The following PHLPP1 variants were observed in gnomAD, a reference collection of about 807,000 sequenced individuals.
PHLPP1 encodes the protein PH domain and leucine rich repeat protein phosphatase 1, also known as PH domain leucine-rich repeat-containing protein phosphatase 1.
Under a neutral mutation model 117.2 loss-of-function variants are expected in PHLPP1, and 42 were observed. The observed-to-expected ratio is 0.36, with a 90% CI of 0.28 to 0.46. The LOEUF (loss-of-function observed/expected upper bound fraction) is 0.46, where lower values mean the gene tolerates loss of function less well. Among genes scored for constraint, PHLPP1 ranks in the 20% least tolerant of loss-of-function variants. The pLI, the probability that PHLPP1 is intolerant of heterozygous loss-of-function variation, is 1.00. For missense variants in PHLPP1, 2,084 were observed against 2,241.9 expected (o/e 0.93, Z 1.42); for synonymous variants, 1,042 against 970.7 (o/e 1.07, Z -1.37).
At chr18:62,841,986 A>G (rs185545663) in intron 3 of PHLPP1, among the ~76,000 whole-genome samples, 40 of 152,270 alleles carry the variant, frequency 2.6e-4, no homozygotes, top group Admixed American at 1.8e-3. Flanking sequence ...GGCTATATCT[A>G]AGTTCCAAGT....
intron 1 of PHLPP1, among the ~76,000 whole-genome samples, chr18:62,773,692 G>A (rs1349476476): frequency 2.0e-5 from 3 of 152,182 alleles, no homozygotes; most frequent in East Asian, 1.9e-4. Flanking sequence ...AATTTGAAAA[G>A]CCATTGCTGA....
intron 15 of PHLPP1, 44 bp downstream of exon 15, chr18:62,972,752 T>C (rs970433733): frequency 1.4e-6 from 2 of 1,412,314 alleles, no homozygotes; most frequent in Non-Finnish European, 2.0e-6. Context: ...GTTTTCTTGC[T>C]CTTTGAGTGT....
chr18:62,952,874 G>C (rs577861), intron 12 of PHLPP1, among the ~76,000 whole-genome samples: 1 of 151,834 alleles, frequency 6.6e-6, no homozygotes. Context: ...CTTCCACAAC[G>C]GTCTCCCAAA....
At chr18:62,860,979 G>T (rs563958107) in intron 4 of PHLPP1, among the ~76,000 whole-genome samples, 1 of 152,076 alleles carries the variant, frequency 6.6e-6, no homozygotes, top group African/African-American at 2.4e-5. Context: ...TTTATGAAAG[G>T]TCATTTTTTC....
chr18:62,717,325 T>C (rs1047398050), intron 1 of PHLPP1, 66 bp downstream of exon 1: 5 of 1,512,978 alleles, frequency 3.3e-6, no homozygotes, highest in Non-Finnish European at 2.7e-6. Context: ...GTGATTCAAA[T>C]TGCTTGTCAG....
chr18:62,891,997 A>C (rs1916428761), intron 4 of PHLPP1, among the ~76,000 whole-genome samples: 1 of 151,434 alleles, frequency 6.6e-6, no homozygotes. Flanking sequence ...TAACTTTTTA[A>C]ATGAAAAAAC....
intron 1 of PHLPP1, among the ~76,000 whole-genome samples, chr18:62,822,085 C>T (rs1914474434): frequency 6.6e-6 from 1 of 151,894 alleles, no homozygotes; most frequent in Admixed American, 6.6e-5. Context: ...GGACCAGGAC[C>T]CTGTTTCTTA....
chr18:62,836,476 TAAATAAATAAAA>T (rs199719314), intron 2 of PHLPP1, among the ~76,000 whole-genome samples: 5,931 of 110,646 alleles, frequency 0.054, 343 homozygotes, highest in East Asian at 0.22. Context: ...AATAAATAAA[TAAATAAATAAAA>T]ATAAATTACT....
intron 12 of PHLPP1, among the ~76,000 whole-genome samples, chr18:62,947,723 A>G (rs1157660649): frequency 6.6e-6 from 1 of 152,176 alleles, no homozygotes; most frequent in East Asian, 1.9e-4. Flanking sequence ...TTGTTTAAGT[A>G]TTTGGTTTAA....
chr18:62,793,909 T>A (rs557435782), intron 1 of PHLPP1, among the ~76,000 whole-genome samples: 61 of 152,336 alleles, frequency 4.0e-4, no homozygotes, highest in African/African-American at 1.4e-3. Flanking sequence ...TTATGTTCAA[T>A]CCTATATCAA....
chr18:62,918,927 G>A (rs969485771), intron 9 of PHLPP1, among the ~76,000 whole-genome samples: 3 of 151,628 alleles, frequency 2.0e-5, no homozygotes, highest in African/African-American at 7.3e-5. Flanking sequence ...CAATGTATAC[G>A]TATATTAAAA....
chr18:62,822,292 T>G (rs576389376), intron 1 of PHLPP1, among the ~76,000 whole-genome samples: 46 of 144,970 alleles, frequency 3.2e-4, no homozygotes, highest in African/African-American at 1.0e-3. Flanking sequence ...TTTTGTTTTT[T>G]TTTTTTTGAG....
chr18:62,814,644 A>C (rs567004267), intron 1 of PHLPP1, among the ~76,000 whole-genome samples: 1 of 152,182 alleles, frequency 6.6e-6, no homozygotes, highest in Non-Finnish European at 1.5e-5. Flanking sequence ...GGACATGGTA[A>C]ATTCTTCCAG....
At chr18:62,953,713 T>G (rs1393518700) in intron 12 of PHLPP1, among the ~76,000 whole-genome samples, 1 of 152,248 alleles carries the variant, frequency 6.6e-6, no homozygotes, top group Non-Finnish European at 1.5e-5. Flanking sequence ...ATTTACTTCT[T>G]ATGAAGTCAG....
intron 9 of PHLPP1, 40 bp downstream of exon 9, chr18:62,915,048 T>C: frequency 7.0e-7 from 1 of 1,436,374 alleles, no homozygotes; most frequent in Non-Finnish European, 9.7e-7. Context: ...TCACAATAAA[T>C]GAGCAATTTT....
intron 10 of PHLPP1, among the ~76,000 whole-genome samples, chr18:62,936,827 C>T (rs1398170631): frequency 1.3e-5 from 2 of 152,114 alleles, no homozygotes; most frequent in African/African-American, 4.8e-5. Flanking sequence ...TGAAATACAA[C>T]GTGAAGTGTC....
intron 1 of PHLPP1, among the ~76,000 whole-genome samples, chr18:62,752,224 T>C (rs1911877874): frequency 6.6e-6 from 1 of 152,196 alleles, no homozygotes; most frequent in African/African-American, 2.4e-5. Flanking sequence ...ACCACAGGCA[T>C]GAGCACTGTG....
At chr18:62,804,934 C>T (rs1025930907) in intron 1 of PHLPP1, among the ~76,000 whole-genome samples, 1 of 148,784 alleles carries the variant, frequency 6.7e-6, no homozygotes, top group African/African-American at 2.5e-5. Context: ...ATAGGTTATA[C>T]ATATACAGTA....
At chr18:62,880,857 A>G (rs765420115) in intron 4 of PHLPP1, among the ~76,000 whole-genome samples, 10 of 152,242 alleles carry the variant, frequency 6.6e-5, no homozygotes, top group African/African-American at 2.2e-4. Flanking sequence ...CGTAATTACC[A>G]TCTTATGATC....
Sources: allele counts gnomAD v4.1 joint callset (sites outside exome capture counted in the v4.1 genomes callset), GRCh38; gene constraint gnomAD v4.1.1; transcripts MANE v1.5; gene names NCBI Gene and HGNC (gene_info 2026-07-23, HGNC 2026-07-21).